Variants in ZNF705A observed in about 807,000 individuals in gnomAD.
ZNF705A encodes zinc finger protein 705A.
A neutral mutation model predicts 16.6 loss-of-function variants in ZNF705A; 8 were observed. That is an observed-to-expected ratio of 0.48 (90% CI 0.28 to 0.87). The LOEUF (loss-of-function observed/expected upper bound fraction) is 0.87, where lower values mean the gene tolerates loss of function less well. Ranked by LOEUF, ZNF705A falls within the 40% of genes least tolerant of loss-of-function variation. The pLI is 0.10. For missense variants in ZNF705A, 233 were observed against 359.9 expected (o/e 0.65, Z 2.85); for synonymous variants, 73 against 117.3 (o/e 0.62, Z 2.44).
intron 2 of ZNF705A, 49 bp downstream of exon 3, chr12:8,174,501 T>G (rs1294543796): frequency 1.9e-6 from 3 of 1,593,240 alleles, no homozygotes; most frequent in Non-Finnish European, 2.6e-6. Flanking sequence ...ATTCGCTCAT[T>G]CATTCAATAA....
At chr12:8,174,274 G>C in intron 1 of ZNF705A, 52 bp from the exon 3 acceptor site, 2 of 1,595,782 alleles carry the variant, frequency 1.3e-6, no homozygotes, top group South Asian at 2.2e-5. Flanking sequence ...TTCCTCTTCC[G>C]GACATTGAAA....
At chr12:8,168,204 G>A (rs538125574), upstream of ZNF705A, among the ~76,000 whole-genome samples, 53 of 152,240 alleles carry the variant, frequency 3.5e-4, no homozygotes, top group Non-Finnish European at 4.7e-4. Flanking sequence ...TCACATTTTT[G>A]ATGTTAACAG....
At chr12:8,175,721 A>G in intron 3 of ZNF705A, 139 bp from the exon 5 acceptor site, 1 of 1,226,692 alleles carries the variant, frequency 8.2e-7, no homozygotes, top group South Asian at 1.4e-5. Flanking sequence ...TATTTCTTCT[A>G]TTCAAGTAGT....
At position 8,172,649 on chromosome 12, in the gene ZNF705A, A is replaced by T; in HGVS notation, c.12+12A>T. 5.6e-6 allele frequency: 9 copies of T among 1,596,350 alleles called. No homozygotes were observed. The highest frequency in any genetic ancestry group is 2.2e-5 in the East Asian group (1 of 44,884). ...CAATGCATTCACTAGTGAGTAGGGG[A>T]TGCTTCTTTCTACTGAAATTATACC... On this transcript the variant is annotated intron_variant, in intron 1 of 4. Transcript: ENST00000359286.
At chr12:8,176,318 G>C (rs773293792) in intron 4 of ZNF705A, among the ~76,000 whole-genome samples, 20 of 152,288 alleles carry the variant, frequency 1.3e-4, no homozygotes, top group African/African-American at 4.8e-4. Flanking sequence ...CATTTTAGGA[G>C]ATTTATTTGC....
At chr12:8,159,738 G>T (rs867456856) in intron 1 of ZNF705A, among the ~76,000 whole-genome samples, 28 of 152,054 alleles carry the variant, frequency 1.8e-4, no homozygotes, top group Admixed American at 1.8e-3. Flanking sequence ...TCCTTTGTTG[G>T]ATGTATAGAT....
intron 2 of ZNF705A, among the ~76,000 whole-genome samples, chr12:8,175,021 C>G (rs1376603247): frequency 1.3e-5 from 2 of 152,152 alleles, no homozygotes; most frequent in Non-Finnish European, 2.9e-5. Flanking sequence ...TTTGAATTTC[C>G]TTTTCCTGAT....
intron 1 of ZNF705A, among the ~76,000 whole-genome samples, chr12:8,165,820 G>C (rs1222124153): frequency 6.6e-6 from 1 of 152,078 alleles, no homozygotes; most frequent in Non-Finnish European, 1.5e-5. Flanking sequence ...ATGGCCTCCA[G>C]CTTCATCTAT....
In ZNF705A at chr12:8,177,682, C is replaced by A. The variant is rs148027435; in HGVS notation, c.*99C>A. 207 of 1,537,030 alleles carry A rather than the reference C, an allele frequency of 1.3e-4. No individual in the cohort carries two copies. In the African/African-American group the frequency reaches 2.7e-3, roughly 20 times the overall value. ...GTCTTAAATAGCATCAGAAAATTCACGCTGGAGAGAAAATTATAAACTTCT... is the reference window on the plus strand; with the variant it reads ...GTCTTAAATAGCATCAGAAAATTCAAGCTGGAGAGAAAATTATAAACTTCT... On this transcript the variant is annotated 3_prime_UTR_variant, in exon 5 of 5. Coordinates refer to ENST00000359286, the Ensembl canonical transcript of ZNF705A.
At chr12:8,171,394 T>C (rs1428172179), upstream of ZNF705A, among the ~76,000 whole-genome samples, 2 of 152,234 alleles carry the variant, frequency 1.3e-5, no homozygotes, top group Non-Finnish European at 2.9e-5. Flanking sequence ...TACATATCTA[T>C]GTACGAATAT....
At chr12:8,160,588 G>A (rs1237798150) in intron 1 of ZNF705A, among the ~76,000 whole-genome samples, 2 of 141,252 alleles carry the variant, frequency 1.4e-5, no homozygotes, top group Non-Finnish European at 3.0e-5. Context: ...TTTTGCAGCT[G>A]TTGTAAAAGA....
upstream of ZNF705A, among the ~76,000 whole-genome samples, chr12:8,170,196 C>CAAAAAAAA (rs1188328005): frequency 2.0e-3 from 258 of 126,536 alleles, 17 homozygotes; most frequent in African/African-American, 8.9e-3. Context: ...CCCCCCCCCC[C>CAAAAAAAA]AAAAAAAAAA....
At chr12:8,168,424 C>T (rs774712948), upstream of ZNF705A, among the ~76,000 whole-genome samples, 1 of 152,150 alleles carries the variant, frequency 6.6e-6, no homozygotes, top group African/African-American at 2.4e-5. Context: ...CTCATTATTA[C>T]ATTTTATTGT....
intron 1 of ZNF705A, among the ~76,000 whole-genome samples, chr12:8,157,565 G>A (rs1277931975): frequency 3.3e-5 from 5 of 152,124 alleles, no homozygotes; most frequent in Non-Finnish European, 5.9e-5. Flanking sequence ...TTTGGATATT[G>A]TGAGAAATGA....
In ZNF705A at chr12:8,174,508, A is replaced by G. The variant is rs922296326; in HGVS notation, c.139+56A>G. On this transcript the variant is annotated intron_variant, in intron 2 of 4. Coordinates refer to ENST00000359286, the Ensembl canonical transcript of ZNF705A. ...AGACACACATTCGCTCATTCATTCA[A>G]TAAGTGTTAGAACAGCTTCCCCATA... is the stretch of plus-strand genomic sequence containing the variant. The G allele has an allele frequency of 9.4e-6, 15 of 1,593,338 alleles. No individual in the cohort carries two copies. The Middle Eastern group carries it at 6.8e-4, about 72-fold the overall frequency.
At chr12:8,170,784 A>C (rs1403013985), upstream of ZNF705A, among the ~76,000 whole-genome samples, 1 of 152,224 alleles carries the variant, frequency 6.6e-6, no homozygotes, top group African/African-American at 2.4e-5. Context: ...AGATGGAGTC[A>C]TATGTTACTG....
At chr12:8,179,315 T>A (rs1948512664) in exon 5 of ZNF705A, 1 of 152,178 alleles carries the variant, frequency 6.6e-6, no homozygotes, top group Non-Finnish European at 1.5e-5. Flanking sequence ...AACACCAGCA[T>A]GATAAAACAG....
At chr12:8,164,176 G>A (rs1948379928) in intron 1 of ZNF705A, among the ~76,000 whole-genome samples, 3 of 152,034 alleles carry the variant, frequency 2.0e-5, no homozygotes, top group Non-Finnish European at 4.4e-5. Flanking sequence ...TGCTGTAAAC[G>A]AGACCTCCAG....
At chr12:8,170,964 C>A (rs1377918477), upstream of ZNF705A, among the ~76,000 whole-genome samples, 1 of 152,064 alleles carries the variant, frequency 6.6e-6, no homozygotes, top group African/African-American at 2.4e-5. Flanking sequence ...TCATAGAGAA[C>A]CTTGGTTAGG....
Sources: allele counts gnomAD v4.1 joint callset (sites outside exome capture counted in the v4.1 genomes callset), GRCh38; gene constraint gnomAD v4.1.1; transcripts MANE v1.5; gene names NCBI Gene and HGNC (gene_info 2026-07-23, HGNC 2026-07-21).